The following F5 variants were observed in gnomAD, a reference collection of about 807,000 sequenced individuals.
F5 encodes the protein activated protein c cofactor.
A neutral mutation model predicts 216.4 loss-of-function variants in F5; 138 were observed. That is an observed-to-expected ratio of 0.64 (90% CI 0.56 to 0.73). F5 has a LOEUF of 0.73. Among genes scored for constraint, F5 ranks in the 30% least tolerant of loss-of-function variants. The pLI, the probability that F5 is intolerant of heterozygous loss-of-function variation, is 0.00. For synonymous variants in F5, 916 were observed against 930.7 expected (o/e 0.98, Z 0.29); for missense variants, 2,403 against 2,674.0 (o/e 0.90, Z 2.24).
intron 8 of F5, among the ~76,000 whole-genome samples, chr1:169,551,758 A>T (rs1317051603): frequency 6.6e-6 from 1 of 152,190 alleles, no homozygotes; most frequent in Non-Finnish European, 1.5e-5. Flanking sequence ...TAGATTAACT[A>T]CACTCTAGGA....
At chr1:169,575,586 T>G (rs1280541294) in intron 2 of F5, among the ~76,000 whole-genome samples, 1 of 152,036 alleles carries the variant, frequency 6.6e-6, no homozygotes, top group African/African-American at 2.4e-5. Context: ...GAGATTATGA[T>G]GAGATGATGA....
At chr1:169,552,863 G>A in intron 7 of F5, 129 bp from the exon 8 acceptor site, 1 of 713,374 alleles carries the variant, frequency 1.4e-6, no homozygotes, top group Non-Finnish European at 2.3e-6. Context: ...AAATTTCTTA[G>A]TGTAGTTTGC....
At position 169,556,835 on chromosome 1, in the gene F5, A is replaced by T; in HGVS notation, c.763T>A (p.Trp255Arg). ...CCCGAGCTCATTCCCAGCAGATGCC[A>T]GCTGATGTGGTCATGGGCACAAACT... is the stretch of plus-strand genomic sequence containing the variant. ...ITVCAHDHIS[W>R]HLLGMSSGPE... The change falls in exon 6 of 25, where the codon TGG (tryptophan) becomes AGG (arginine). Residue 255 changes from tryptophan to arginine, a missense_variant. Around this residue, in one of 4 missense-constraint regions of F5, gnomAD observed 1,425 missense variants for 1,554.8 expected, o/e 0.92. Coordinates refer to ENST00000367797, the MANE Select transcript of F5 (RefSeq NM_000130.5). 6.2e-7 allele frequency: 1 copy of T among 1,614,088 alleles called. No homozygotes were observed.
rs116921763 is a variant in F5 at position 169,514,025 on chromosome 1, A to G, written c.*288T>C. ...GAAGCATTTTAACTACATAAATATTACTTCATAGCATTTTCAATCATTAAG... is the reference window on the plus strand; with the variant it reads ...GAAGCATTTTAACTACATAAATATTGCTTCATAGCATTTTCAATCATTAAG... On this transcript the variant is annotated 3_prime_UTR_variant, in exon 25 of 25. Transcript: ENST00000367797. 8.8e-5 allele frequency: 32 copies of G among 362,392 alleles called. 1 individual carries two copies. The East Asian group carries it at 1.5e-3, about 17-fold the overall frequency. The allele number at this position is 362,392 out of a possible 1,614,324, so 22.4% of individuals were successfully genotyped here.
chr1:169,557,273 C>T (rs1052526734), intron 5 of F5, among the ~76,000 whole-genome samples: 2 of 152,170 alleles, frequency 1.3e-5, no homozygotes, highest in African/African-American at 4.8e-5. Flanking sequence ...TGTTTGGTCA[C>T]CCCAGTCTGA....
At chr1:169,531,488 A>G (rs1025282472) in intron 14 of F5, among the ~76,000 whole-genome samples, 5 of 152,362 alleles carry the variant, frequency 3.3e-5, no homozygotes, top group African/African-American at 1.2e-4. Context: ...AGTGGTTGGA[A>G]GAATTAAGGT....
intron 12 of F5, 22 bp downstream of exon 12, chr1:169,544,274 G>A: frequency 1.9e-6 from 3 of 1,604,230 alleles, no homozygotes; most frequent in Non-Finnish European, 2.6e-6. Flanking sequence ...CTTCCTCTGT[G>A]AGTGTCCAGA....
Position 169,523,814 on chromosome 1 carries a change from T to A in F5, c.5879A>T (p.Lys1960Ile). 6.2e-7 allele frequency: 1 copy of A among 1,613,478 alleles called. No homozygotes were observed. Among genetic ancestry groups the A allele is most frequent in the Middle Eastern group, 1.7e-4 (1 of 6,060 alleles). Residue 1960 changes from lysine to isoleucine, a missense_variant, in exon 20 of 25, where the codon AAA (lysine) becomes ATA (isoleucine). Physicochemically the swap from Lys to Ile is moderately radical, Grantham distance 102. Coordinates refer to ENST00000367797, the MANE Select transcript of F5 (RefSeq NM_000130.5). Reference protein sequence around the residue: ...VEKLAAEFASKPWIQVDMQKE... With the variant: ...VEKLAAEFASIPWIQVDMQKE... ...ATTAAGACAAACCTGGATCCAAGGT[T>A]TAGAGGCAAATTCTGCTGCAAGTTT...
intron 5 of F5, among the ~76,000 whole-genome samples, chr1:169,557,502 G>C (rs1660359859): frequency 6.6e-6 from 1 of 152,126 alleles, no homozygotes; most frequent in African/African-American, 2.4e-5. Context: ...TCCTTAAAAT[G>C]CAGTGTACAA....
At chr1:169,564,012 C>A (rs1006390915) in intron 3 of F5, among the ~76,000 whole-genome samples, 2 of 152,090 alleles carry the variant, frequency 1.3e-5, no homozygotes, top group South Asian at 2.1e-4. Context: ...AGTTAAGATA[C>A]TTGAAATCAA....
intron 3 of F5, among the ~76,000 whole-genome samples, chr1:169,564,094 C>T (rs1327214036): frequency 6.6e-6 from 1 of 152,078 alleles, no homozygotes; most frequent in Non-Finnish European, 1.5e-5. Context: ...TTTCTAAATC[C>T]TTCTGACAAT....
chr1:169,515,993 T>C (rs1659147559), intron 23 of F5, among the ~76,000 whole-genome samples: 1 of 152,104 alleles, frequency 6.6e-6, no homozygotes, highest in South Asian at 2.1e-4. Flanking sequence ...TTTGGAAAAA[T>C]AATTAAACTG....
intron 9 of F5, among the ~76,000 whole-genome samples, chr1:169,550,430 C>G (rs568713998): frequency 6.6e-6 from 1 of 152,086 alleles, no homozygotes; most frequent in East Asian, 1.9e-4. Context: ...CTAGAGGCCA[C>G]TATGACACTA....
intron 15 of F5, 116 bp downstream of exon 15, chr1:169,530,670 T>C: frequency 1.1e-6 from 1 of 926,198 alleles, no homozygotes; most frequent in East Asian, 2.4e-5. Context: ...CCCTTATGCA[T>C]TCCTCATGAA....
At chr1:169,539,494 A>AC (rs542213940) in intron 13 of F5, among the ~76,000 whole-genome samples, 181 of 152,296 alleles carry the variant, frequency 1.2e-3, no homozygotes, top group African/African-American at 4.2e-3. Flanking sequence ...ATTGAGTGCA[A>AC]CATTTAAATA....
intron 8 of F5, among the ~76,000 whole-genome samples, chr1:169,552,108 C>T (rs965482213): frequency 1.3e-5 from 2 of 152,186 alleles, no homozygotes; most frequent in Non-Finnish European, 2.9e-5. Context: ...TCACTCAGCA[C>T]TCTCTTTTGT....
chr1:169,549,554 A>C lies in F5; in HGVS notation c.1611+247T>G, dbSNP rs895092889. Reference sequence around the variant, plus strand: ...ACACATCCAATACCAACAGACCTGGAATTTGAAACTAAGACAAAATATGTT... The same window carrying C: ...ACACATCCAATACCAACAGACCTGGCATTTGAAACTAAGACAAAATATGTT... On this transcript the variant is annotated intron_variant, in intron 10 of 24. Transcript: ENST00000367797. Among the ~76,000 whole-genome samples, 4 of 150,348 alleles carry C rather than the reference A, an allele frequency of 2.7e-5. No homozygotes were observed. The Admixed American group carries it at 2.7e-4, about 10-fold the overall frequency.
chr1:169,577,511 C>T (rs1248395277), intron 2 of F5, among the ~76,000 whole-genome samples: 1 of 139,726 alleles, frequency 7.2e-6, no homozygotes, highest in East Asian at 2.1e-4. Flanking sequence ...GCCTTAGCCT[C>T]CCCAGTAGCT....
At chr1:169,552,498 G>A in intron 8 of F5, 59 bp downstream of exon 8, 1 of 1,356,262 alleles carries the variant, frequency 7.4e-7, no homozygotes, top group Non-Finnish European at 1.0e-6. Context: ...AAATAACCAG[G>A]TACTCCATAA....
Sources: gnomAD v4.1 joint callset for allele counts (sites outside exome capture counted in the v4.1 genomes callset) on GRCh38, gnomAD v4.1.1 for gene constraint, gnomAD v4.1.1 regional missense constraint, MANE v1.5 for transcripts, NCBI Gene and HGNC (gene_info 2026-07-23, HGNC 2026-07-21) for gene names.